The following ZNF718 variants were observed in gnomAD, a reference collection of about 807,000 sequenced individuals.
ZNF718 encodes zinc finger protein 718.
In ZNF718, 3 loss-of-function variants were observed where a neutral mutation model predicts 2.6. The ratio of observed to expected loss-of-function variants is 1.16; its 90% CI spans 0.53 to 3.01. ZNF718 has a LOEUF of 3.01. Ranked by LOEUF, ZNF718 falls within the 30% of genes most tolerant of loss-of-function variation. The pLI, the probability that ZNF718 is intolerant of heterozygous loss-of-function variation, is 0.03. For missense variants in ZNF718, 468 were observed against 230.0 expected (o/e 2.03, Z -6.69); for synonymous variants, 135 against 77.9 (o/e 1.73, Z -3.86).
chr4:194,319 T>G (rs376124800), intron 3 of ZNF718, among the ~76,000 whole-genome samples: 5 of 152,210 alleles, frequency 3.3e-5, no homozygotes, highest in African/African-American at 1.2e-4. Context: ...ATTTTCTTCC[T>G]TTCCCTGTGT....
rs144085065 is a variant in ZNF718, at chr4:201,622, C to T, written c.*103-10C>T. On this transcript the variant is annotated splice_polypyrimidine_tract_variant and intron_variant and NMD_transcript_variant, in intron 4 of 4. Transcript: ENST00000642529. ...TTCAGTTCTATACATAACTGTTCTC[C>T]TCTCTCTAGAAGCAAGCAGCAACAT... 130 of 163,908 alleles carry T rather than the reference C, an allele frequency of 7.9e-4. 1 individual carries two copies. The highest frequency in any genetic ancestry group is 3.0e-3 in the African/African-American group (126 of 42,058). 10.2% of individuals were successfully genotyped at this position (163,908 alleles called of 1,614,324 possible).
At chr4:180,641 G>A (rs942079796) in intron 3 of ZNF718, among the ~76,000 whole-genome samples, 18 of 152,194 alleles carry the variant, frequency 1.2e-4, no homozygotes, top group African/African-American at 4.1e-4. Flanking sequence ...ACTGTGTTTA[G>A]GGCAATCAAA....
chr4:156,215 A>G (rs1553813633), intron 3 of ZNF718, among the ~76,000 whole-genome samples: 1 of 151,510 alleles, frequency 6.6e-6, no homozygotes, highest in African/African-American at 2.4e-5. Flanking sequence ...TCAAATATGC[A>G]TCAGTGATAT....
intron 3 of ZNF718, among the ~76,000 whole-genome samples, chr4:181,158 CTTTTTTTTTTTT>C (rs782164295): frequency 5.9e-5 from 3 of 51,086 alleles, no homozygotes; most frequent in East Asian, 4.8e-4. Flanking sequence ...CAGTGCCCAG[CTTTTTTTTTTTT>C]TTTTTTTTTT....
At chr4:164,388 CAT>C (rs574595468), downstream of ZNF718, among the ~76,000 whole-genome samples, 6 of 151,864 alleles carry the variant, frequency 4.0e-5, no homozygotes, top group Non-Finnish European at 8.8e-5. Context: ...TTACTAGAAA[CAT>C]AAAAACCTAA....
chr4:155,065 G>A (rs1035617927), intron 3 of ZNF718, among the ~76,000 whole-genome samples: 3 of 152,204 alleles, frequency 2.0e-5, no homozygotes, highest in Non-Finnish European at 4.4e-5. Flanking sequence ...GCCTTGGTAG[G>A]TTCCATGTGA....
At chr4:199,448 G>T (rs542780646) in intron 3 of ZNF718, among the ~76,000 whole-genome samples, 54 of 150,312 alleles carry the variant, frequency 3.6e-4, no homozygotes, top group African/African-American at 1.3e-3. Flanking sequence ...TTTAGTCCTG[G>T]GGACACCATG....
At position 140,818 on chromosome 4, in the gene ZNF718, G is replaced by A. The variant is rs190659900; in HGVS notation, c.226+9313G>A. On this transcript the variant is annotated intron_variant, in intron 3 of 3. Transcript: ENST00000510175. ...CTTATAAGTAAAAGAGCACTCATAA[G>A]TAAGTCTAAGCAATTTTCAAGTTCA... is the stretch of plus-strand genomic sequence containing the variant. 1.3e-3 allele frequency among the ~76,000 whole-genome samples: 200 copies of A among 152,302 alleles called. 1 individual carries two copies. The highest frequency in any genetic ancestry group is 4.7e-3 in the African/African-American group (194 of 41,550).
At chr4:185,764 G>A (rs536071429) in intron 3 of ZNF718, among the ~76,000 whole-genome samples, 33 of 152,088 alleles carry the variant, frequency 2.2e-4, no homozygotes, top group Middle Eastern at 3.4e-3. Context: ...TTTCTTTGTC[G>A]TTTTGATGTT....
chr4:179,372 T>A (rs1227451913), intron 3 of ZNF718, among the ~76,000 whole-genome samples: 1 of 152,210 alleles, frequency 6.6e-6, no homozygotes, highest in Non-Finnish European at 1.5e-5. Context: ...TCATGGTCCC[T>A]TGTGATTACA....
chr4:135,211 G>A (rs1421435327), intron 3 of ZNF718, among the ~76,000 whole-genome samples: 2 of 147,612 alleles, frequency 1.4e-5, no homozygotes, highest in East Asian at 4.1e-4. Flanking sequence ...CACTACTCCA[G>A]CCTGGAGACA....
chr4:179,819 G>A (rs1717428494), intron 3 of ZNF718, among the ~76,000 whole-genome samples: 1 of 152,278 alleles, frequency 6.6e-6, no homozygotes, highest in Middle Eastern at 3.4e-3. Flanking sequence ...ATTCTCAGTG[G>A]TGGAATTGTA....
chr4:172,286 A>G (rs1717254805), intron 3 of ZNF718, among the ~76,000 whole-genome samples: 1 of 152,212 alleles, frequency 6.6e-6, no homozygotes, highest in Admixed American at 6.5e-5. Context: ...ATTGTTTCAA[A>G]TGACAAGATT....
At position 186,579 on chromosome 4, in the gene ZNF718, A is replaced by G. The variant is rs144640329; in HGVS notation, c.227-14502A>G. ...CTGGATGATATCCTGAAATATGTTC[A>G]TACGTCTCAGAGGTTTTGTTCATTC... On this transcript the variant is annotated intron_variant and NMD_transcript_variant, in intron 3 of 4. Transcript: ENST00000642529. Among the ~76,000 whole-genome samples the G allele has an allele frequency of 3.2e-3, 482 of 152,134 alleles. 3 individuals carry two copies. The highest frequency in any genetic ancestry group is 0.011 in the African/African-American group (446 of 41,524).
At chr4:125,758 C>A (rs1715181189) in intron 1 of ZNF718, among the ~76,000 whole-genome samples, 1 of 152,148 alleles carries the variant, frequency 6.6e-6, no homozygotes, top group African/African-American at 2.4e-5. Flanking sequence ...CAATGCTAAC[C>A]CACTCCTGAG....
At chr4:145,524 C>T (rs1319148357) in intron 3 of ZNF718, among the ~76,000 whole-genome samples, 1 of 152,126 alleles carries the variant, frequency 6.6e-6, no homozygotes, top group Non-Finnish European at 1.5e-5. Flanking sequence ...AAGTGCAGTA[C>T]ATTCACAGCT....
intron 3 of ZNF718, among the ~76,000 whole-genome samples, chr4:170,194 G>T (rs1431147877): frequency 1.3e-5 from 2 of 152,190 alleles, no homozygotes; most frequent in Non-Finnish European, 2.9e-5. Context: ...CTTCTGGCTT[G>T]TAGAGTTTCT....
intron 3 of ZNF718, among the ~76,000 whole-genome samples, chr4:190,866 CCG>C (rs1259578482): frequency 6.6e-6 from 1 of 151,842 alleles, no homozygotes; most frequent in African/African-American, 2.4e-5. Context: ...TAGGGAAACC[CCG>C]TCTCTACTAA....
intron 3 of ZNF718, among the ~76,000 whole-genome samples, chr4:158,273 G>C (rs1553814104): frequency 1.3e-5 from 2 of 151,964 alleles, no homozygotes; most frequent in African/African-American, 4.8e-5. Context: ...GATTTTAAGT[G>C]ACTTGTAGAA....
Sources: allele counts gnomAD v4.1 joint callset (sites outside exome capture counted in the v4.1 genomes callset), GRCh38; gene constraint gnomAD v4.1.1; transcripts MANE v1.5; gene names NCBI Gene and HGNC (gene_info 2026-07-23, HGNC 2026-07-21).